Variants in LPCAT2 observed in about 807,000 individuals in gnomAD.
LPCAT2 encodes 1-AGP acyltransferase 11.
Under a neutral mutation model 64.7 loss-of-function variants are expected in LPCAT2, and 58 were observed. The observed-to-expected ratio is 0.90, with a 90% CI of 0.73 to 1.12. The LOEUF (loss-of-function observed/expected upper bound fraction) is 1.12, where lower values mean the gene tolerates loss of function less well. LPCAT2 is among the 50% of genes most tolerant of loss of function. The pLI, the probability that LPCAT2 is intolerant of heterozygous loss-of-function variation, is 0.00. For missense variants in LPCAT2, 579 were observed against 669.8 expected (o/e 0.86, Z 1.50); for synonymous variants, 252 against 245.3 (o/e 1.03, Z -0.26).
chr16:55,536,997 T>A (rs1214452780), intron 7 of LPCAT2, among the ~76,000 whole-genome samples: 5 of 152,142 alleles, frequency 3.3e-5, no homozygotes, highest in African/African-American at 1.2e-4. Context: ...CCCATTGATT[T>A]TTTTTAATGT....
chr16:55,557,540 C>T (rs769939461), intron 11 of LPCAT2, among the ~76,000 whole-genome samples: 1 of 152,150 alleles, frequency 6.6e-6, no homozygotes, highest in African/African-American at 2.4e-5. Context: ...AAACTAAGTA[C>T]ACAATGGGAG....
intron 1 of LPCAT2, among the ~76,000 whole-genome samples, chr16:55,523,684 G>A (rs1422084239): frequency 2.0e-5 from 3 of 151,750 alleles, no homozygotes; most frequent in Non-Finnish European, 4.4e-5. Context: ...GTAAATAAAT[G>A]CTAGTGATTT....
At chr16:55,574,046 A>G (rs1963800124) in intron 11 of LPCAT2, among the ~76,000 whole-genome samples, 1 of 152,182 alleles carries the variant, frequency 6.6e-6, no homozygotes, top group Non-Finnish European at 1.5e-5. Flanking sequence ...TCATTGGCTT[A>G]GAAGTGTAAG....
chr16:55,509,303 C>G lies in LPCAT2; in HGVS notation c.122C>G (p.Pro41Arg). 1 of 1,508,160 alleles carries G rather than the reference C, an allele frequency of 6.6e-7. No individual in the cohort carries two copies. The highest frequency in any genetic ancestry group is 8.9e-7 in the Non-Finnish European group (1 of 1,120,214). 93.4% of individuals were successfully genotyped at this position (1,508,160 alleles called of 1,614,324 possible). Residue 41 changes from proline (P) to arginine (R), a missense_variant, in exon 1 of 14, where the codon CCG becomes CGG. Physicochemically the swap from Pro to Arg is moderately radical, Grantham distance 103 (BLOSUM62 -2). Transcript: ENST00000262134. ...GCGTCCTTCTTCCCGCCGCCGGTGC[C>G]GAACCCCTTCGTGCAGCAGACGCAG... is the stretch of plus-strand genomic sequence containing the variant. Reference protein sequence around the residue: ...RQASFFPPPVPNPFVQQTQIG... With the variant: ...RQASFFPPPVRNPFVQQTQIG...
rs536194154 is a variant in LPCAT2 at position 55,518,174 on chromosome 16, A to G, written c.172-7334A>G. 1.4e-4 allele frequency among the ~76,000 whole-genome samples: 22 copies of G among 152,338 alleles called. No individual in the cohort carries two copies. In the South Asian group the frequency reaches 2.1e-3, roughly 14 times the overall value. The stretch of plus-strand genomic sequence containing the variant: ...AACAATCTAAAAATGAAATTTAAAA[A>G]CAGTTCGATTTAATTTAGCATCAAA... On this transcript the variant is annotated intron_variant, in intron 1 of 13. Coordinates refer to ENST00000262134, the MANE Select transcript of LPCAT2 (RefSeq NM_017839.5).
At position 55,542,198 on chromosome 16, in the gene LPCAT2, G is replaced by A. The variant is rs111400328; in HGVS notation, c.853-3537G>A. Among the ~76,000 whole-genome samples, 760 of 152,216 alleles carry A rather than the reference G, an allele frequency of 5.0e-3. 4 individuals carry two copies. The highest frequency in any genetic ancestry group is 7.5e-3 in the South Asian group (36 of 4,828). ...GAAGAATTTTATATATTGCTTGTAT[G>A]CTAAGGACCAAGAGGAAGTGGGGGA... On this transcript the variant is annotated intron_variant, in intron 8 of 13. Transcript: ENST00000262134.
intron 13 of LPCAT2, among the ~76,000 whole-genome samples, chr16:55,580,990 C>G (rs952082057): frequency 1.3e-5 from 2 of 152,160 alleles, no homozygotes; most frequent in Non-Finnish European, 2.9e-5. Flanking sequence ...TCCATGAAAC[C>G]AGTCCCTGGT....
At chr16:55,534,181 T>G (rs1963294022) in intron 6 of LPCAT2, among the ~76,000 whole-genome samples, 1 of 152,144 alleles carries the variant, frequency 6.6e-6, no homozygotes, top group African/African-American at 2.4e-5. Context: ...TGGCTAAGCA[T>G]GTAAAATAGT....
Position 55,530,486 on chromosome 16 carries a change from C to T in LPCAT2, c.642+539C>T, listed in dbSNP as rs181047285. Among the ~76,000 whole-genome samples the T allele has an allele frequency of 3.3e-3, 338 of 102,914 alleles. 4 individuals are homozygous for T. Among genetic ancestry groups the T allele is most frequent in the African/African-American group, 0.012 (327 of 26,600 alleles). The allele number at this position is 102,914 out of a possible 152,430, so 67.5% of individuals were successfully genotyped here. A position where few individuals can be genotyped will look rare whatever the true frequency, so the allele number is the denominator to read the frequency against. On this transcript the variant is annotated intron_variant, in intron 4 of 13. Transcript: ENST00000262134. ...TCTCACCACTCCCTTCCCTGGAATG[C>T]GGGGGTGGGGGGGGGGTAACATTTA... is the stretch of plus-strand genomic sequence containing the variant.
At chr16:55,570,622 C>G (rs1443147839) in intron 11 of LPCAT2, among the ~76,000 whole-genome samples, 1 of 152,000 alleles carries the variant, frequency 6.6e-6, no homozygotes, top group Non-Finnish European at 1.5e-5. Context: ...TTAAAAAAAT[C>G]TTATCAGTAG....
intron 11 of LPCAT2, among the ~76,000 whole-genome samples, chr16:55,564,657 G>T (rs1963672323): frequency 6.6e-6 from 1 of 151,886 alleles, no homozygotes; most frequent in Non-Finnish European, 1.5e-5. Context: ...AAAGAATGAA[G>T]TTGGACCCTT....
intron 11 of LPCAT2, among the ~76,000 whole-genome samples, chr16:55,563,402 T>G (rs1963658220): frequency 6.6e-6 from 1 of 151,500 alleles, no homozygotes; most frequent in Non-Finnish European, 1.5e-5. Flanking sequence ...TAAAAACACT[T>G]GGAGAGAAGA....
At chr16:55,515,794 A>G (rs1963002404) in intron 1 of LPCAT2, among the ~76,000 whole-genome samples, 1 of 152,200 alleles carries the variant, frequency 6.6e-6, no homozygotes, top group Admixed American at 6.5e-5. Context: ...CCAGAAAATT[A>G]TTATAAGTTA....
intron 9 of LPCAT2, 130 bp downstream of exon 9, chr16:55,545,947 A>T: frequency 1.5e-6 from 1 of 646,340 alleles, no homozygotes; most frequent in Non-Finnish European, 2.8e-6. Flanking sequence ...GATACGTAAA[A>T]TAATGTGCCC....
intron 6 of LPCAT2, 79 bp from the exon 7 acceptor site, chr16:55,534,364 C>T: frequency 1.2e-6 from 1 of 820,406 alleles, no homozygotes; most frequent in Non-Finnish European, 2.1e-6. Flanking sequence ...ATACATGAAT[C>T]CCCATATTAA....
Position 55,549,366 on chromosome 16 carries a change from G to C in LPCAT2, c.1025G>C (p.Gly342Ala). The C allele has an allele frequency of 1.3e-6, 2 of 1,598,104 alleles. No homozygotes were observed. The highest frequency in any genetic ancestry group is 2.3e-5 in the South Asian group (2 of 87,514). The change falls in exon 10 of 14, where the codon GGG becomes GCG. Residue 342 changes from glycine to alanine, a missense_variant. By Grantham distance (60) the Gly-to-Ala change is moderately conservative. Coordinates refer to ENST00000262134, the MANE Select transcript of LPCAT2 (RefSeq NM_017839.5). ...AGQLTLPMEA[G>A]LVEFTKISRK... The stretch of plus-strand genomic sequence containing the variant: ...CAGCTAACATTGCCTATGGAAGCTG[G>C]GCTGGTGGAATTTACTAAAATTAGC...
At chr16:55,537,016 A>G (rs1461558559) in intron 7 of LPCAT2, among the ~76,000 whole-genome samples, 2 of 152,108 alleles carry the variant, frequency 1.3e-5, no homozygotes, top group East Asian at 3.8e-4. Context: ...GTCAAAAAAC[A>G]GTTCAGAAAT....
At chr16:55,536,094 C>T (rs1011013302) in intron 7 of LPCAT2, among the ~76,000 whole-genome samples, 4 of 152,302 alleles carry the variant, frequency 2.6e-5, no homozygotes, top group African/African-American at 9.6e-5. Context: ...GCAAATCTCA[C>T]GTCCACTTTT....
chr16:55,559,918 TC>T (rs1963618014), intron 11 of LPCAT2, among the ~76,000 whole-genome samples: 1 of 152,168 alleles, frequency 6.6e-6, no homozygotes, highest in African/African-American at 2.4e-5. Flanking sequence ...ATTTAGTCCA[TC>T]ACAGTATTTT....
Sources: gnomAD v4.1 joint callset for allele counts (sites outside exome capture counted in the v4.1 genomes callset) on GRCh38, gnomAD v4.1.1 for gene constraint, MANE v1.5 for transcripts, NCBI Gene and HGNC (gene_info 2026-07-23, HGNC 2026-07-21) for gene names.